Variants in ASPRV1 observed in about 807,000 individuals in gnomAD.
ASPRV1 encodes aspartic peptidase retroviral like 1.
ASPRV1 carries 7 observed loss-of-function variants against 11.0 expected under a neutral mutation model. The ratio of observed to expected loss-of-function variants is 0.64; its 90% CI spans 0.36 to 1.20. The LOEUF is 1.20. Ranked by LOEUF, ASPRV1 falls within the 50% of genes most tolerant of loss-of-function variation. ASPRV1 has a pLI of 0.02. For synonymous variants in ASPRV1, 136 were observed against 138.4 expected, an observed-to-expected ratio of 0.98 and a Z score of 0.12; for missense variants, 299 against 320.0, an observed-to-expected ratio of 0.93 and a Z score of 0.50.
chr2:70,070,770 T>G, the ASPRV1 span: 1 of 123,110 alleles, frequency 8.1e-6, no homozygotes, highest in Non-Finnish European at 1.5e-5. Context: ...GGTGACAGAG[T>G]GAGACTCCGT....
the ASPRV1 span, among the ~76,000 whole-genome samples, chr2:70,072,838 C>T: frequency 6.6e-6 from 1 of 151,094 alleles, no homozygotes; most frequent in Non-Finnish European, 1.5e-5. Context: ...GATCACTTGA[C>T]CCCAGGAATT....
chr2:70,005,450 G>C, the ASPRV1 span, among the ~76,000 whole-genome samples: 1 of 152,088 alleles, frequency 6.6e-6, no homozygotes, highest in Non-Finnish European at 1.5e-5. Flanking sequence ...ATGCCAAATT[G>C]TCAATTTTAT....
At chr2:69,938,523 A>G in the ASPRV1 span, 20 of 463,766 alleles carry the variant, frequency 4.3e-5, no homozygotes, top group Non-Finnish European at 6.6e-5. Context: ...ATTCCAATCA[A>G]TTTGAAGCAT....
At chr2:70,066,975 AGTG>A in the ASPRV1 span, among the ~76,000 whole-genome samples, 1 of 152,346 alleles carries the variant, frequency 6.6e-6, no homozygotes, top group Admixed American at 6.5e-5. Context: ...GACTGGAAGC[AGTG>A]ATGATAATGG....
At chr2:69,971,471 T>C in the ASPRV1 span, among the ~76,000 whole-genome samples, 4 of 152,210 alleles carry the variant, frequency 2.6e-5, no homozygotes, top group African/African-American at 9.6e-5. Context: ...GTTAGGACCC[T>C]GCCTCTCAAA....
rs1323150541 is a variant in ASPRV1, at chr2:69,960,448, C to G, written c.*209G>C. ...TGGGGACCCTGTCCCTCTAAGCCAG[C>G]CTGCTCTCCCTCACCTGTGCCTGTT... On this transcript the variant is annotated 3_prime_UTR_variant, in exon 1 of 1. Transcript: ENST00000320256. 1.4e-5 allele frequency: 8 copies of G among 574,496 alleles called. No homozygotes were observed. The highest frequency in any genetic ancestry group is 1.5e-5 in the Non-Finnish European group (5 of 326,568). The allele number at this position is 574,496 out of a possible 1,614,324, so 35.6% of individuals were successfully genotyped here. A position where few individuals can be genotyped will look rare whatever the true frequency, so the allele number is the denominator to read the frequency against.
chr2:70,023,590 T>C, the ASPRV1 span, among the ~76,000 whole-genome samples: 1 of 151,784 alleles, frequency 6.6e-6, no homozygotes, highest in Non-Finnish European at 1.5e-5. Context: ...CAAGAATCAC[T>C]TGAACCCCGG....
At chr2:69,972,668 C>T in the ASPRV1 span, among the ~76,000 whole-genome samples, 1 of 152,062 alleles carries the variant, frequency 6.6e-6, no homozygotes, top group East Asian at 1.9e-4. Flanking sequence ...GCCGTCCTCT[C>T]GGTTTTCATG....
chr2:70,058,645 C>T, the ASPRV1 span, among the ~76,000 whole-genome samples: 3 of 151,734 alleles, frequency 2.0e-5, no homozygotes, highest in South Asian at 6.3e-4. Context: ...CTCCACCTCC[C>T]AGGTTCAGGC....
chr2:69,990,207 A>G, the ASPRV1 span, among the ~76,000 whole-genome samples: 13 of 152,172 alleles, frequency 8.5e-5, no homozygotes, highest in East Asian at 2.3e-3. Flanking sequence ...TTTTTGAAAC[A>G]GAGTCTCACT....
At chr2:69,961,663 C>T, upstream of ASPRV1, 2 of 1,556,118 alleles carry the variant, frequency 1.3e-6, no homozygotes, top group Non-Finnish European at 1.7e-6. Flanking sequence ...CTTTTTGATG[C>T]CTAGGCTGGC....
At chr2:69,938,268 C>T in the ASPRV1 span, 53 of 1,613,958 alleles carry the variant, frequency 3.3e-5, no homozygotes, top group South Asian at 1.3e-4. Context: ...AGTCACAAGG[C>T]GTGTCTTGGT....
chr2:70,042,362 G>C, the ASPRV1 span, among the ~76,000 whole-genome samples: 4 of 152,112 alleles, frequency 2.6e-5, no homozygotes, highest in Non-Finnish European at 5.9e-5. Flanking sequence ...TGCATGGACA[G>C]AACTCTACCT....
chr2:69,937,705 C>T, the ASPRV1 span, among the ~76,000 whole-genome samples: 1 of 152,160 alleles, frequency 6.6e-6, no homozygotes, highest in African/African-American at 2.4e-5. Context: ...ACCTCCGCCT[C>T]CCGGGTTCAA....
the ASPRV1 span, among the ~76,000 whole-genome samples, chr2:70,036,669 A>G: frequency 6.6e-6 from 1 of 152,112 alleles, no homozygotes; most frequent in Admixed American, 6.5e-5. Flanking sequence ...TTTCTAAAGT[A>G]ATTTTTATTT....
chr2:69,940,486 AT>A, the ASPRV1 span: 1 of 152,614 alleles, frequency 6.6e-6, no homozygotes, highest in East Asian at 1.9e-4. Context: ...AGGGAACAAA[AT>A]TTGTGTACTT....
the ASPRV1 span, chr2:70,086,177 G>A: frequency 3.4e-4 from 52 of 152,242 alleles, 1 homozygote; most frequent in African/African-American, 8.4e-4. Flanking sequence ...GAGGTGGAAG[G>A]CCCCGGGGAG....
chr2:70,011,731 T>C, the ASPRV1 span: 2 of 152,048 alleles, frequency 1.3e-5, no homozygotes, highest in African/African-American at 4.8e-5. Context: ...GGATTGAAGA[T>C]AGAGATTTGG....
the ASPRV1 span, among the ~76,000 whole-genome samples, chr2:70,027,841 T>C: frequency 2.3e-3 from 345 of 152,300 alleles, 4 homozygotes; most frequent in Admixed American, 4.3e-3. Flanking sequence ...TTTAGAATGT[T>C]ACCAACACAA....
Sources: gnomAD v4.1 joint callset for allele counts (sites outside exome capture counted in the v4.1 genomes callset) on GRCh38, gnomAD v4.1.1 for gene constraint, MANE v1.5 for transcripts, NCBI Gene and HGNC (gene_info 2026-07-23, HGNC 2026-07-21) for gene names.